The following EFCAB11 variants were observed in gnomAD, a reference collection of about 807,000 sequenced individuals.
EFCAB11 encodes EF-hand calcium binding domain 11.
EFCAB11 carries 14 observed loss-of-function variants against 23.0 expected under a neutral mutation model. The ratio of observed to expected loss-of-function variants is 0.61; its 90% CI spans 0.40 to 0.95. The LOEUF (loss-of-function observed/expected upper bound fraction) is 0.95. Among genes scored for constraint, EFCAB11 ranks in the 40% least tolerant of loss-of-function variants. The pLI, the probability that EFCAB11 is intolerant of heterozygous loss-of-function variation, is 0.00. For missense variants in EFCAB11, 198 were observed against 195.8 expected (o/e 1.01, Z -0.07); for synonymous variants, 65 against 66.6 (o/e 0.98, Z 0.11).
rs529729583 is a variant in EFCAB11, at chr14:89,795,869, C to A, written c.*1374G>T. The A allele has an allele frequency of 6.6e-6, 1 of 152,266 alleles. No homozygotes were observed. The highest frequency in any genetic ancestry group is 1.5e-5 in the Non-Finnish European group (1 of 68,028). The allele number at this position is 152,266 out of a possible 1,614,324, so 9.4% of individuals were successfully genotyped here. A position where few individuals can be genotyped will look rare whatever the true frequency, so the allele number is the denominator to read the frequency against. ...ACACTTATAAATAAGAGTACTGATA[C>A]CAGTATTTTGGAATTACCTTCACTA... On this transcript the variant is annotated 3_prime_UTR_variant, in exon 6 of 6. Transcript: ENST00000316738.
At chr14:89,810,584 C>T (rs1886118833) in intron 5 of EFCAB11, among the ~76,000 whole-genome samples, 1 of 151,880 alleles carries the variant, frequency 6.6e-6, no homozygotes, top group Admixed American at 6.6e-5. Flanking sequence ...GGTAAAACCC[C>T]ATCTCTACTA....
intron 5 of EFCAB11, among the ~76,000 whole-genome samples, chr14:89,925,644 CT>C (rs1173515561): frequency 8.4e-6 from 1 of 119,528 alleles, no homozygotes; most frequent in Non-Finnish European, 1.6e-5. Context: ...AGTTATGTTT[CT>C]TTCTTTTTTT....
intron 5 of EFCAB11, chr14:89,833,089 G>A (rs930023431): frequency 3.9e-5 from 6 of 152,046 alleles, no homozygotes; most frequent in Non-Finnish European, 7.4e-5. Context: ...TGCAAACAAC[G>A]TGAAATACAC....
intron 5 of EFCAB11, among the ~76,000 whole-genome samples, chr14:89,801,181 A>G (rs1289625543): frequency 3.9e-5 from 6 of 152,202 alleles, no homozygotes; most frequent in Non-Finnish European, 8.8e-5. Flanking sequence ...ACAGTCATGA[A>G]ATTCCCCAAT....
chr14:89,826,536 C>T (rs920844907), intron 5 of EFCAB11, among the ~76,000 whole-genome samples: 2 of 151,400 alleles, frequency 1.3e-5, no homozygotes, highest in Admixed American at 1.3e-4. Context: ...TCTTGGTCAC[C>T]CTCTAAGAAA....
At chr14:89,804,221 A>C (rs1027383142) in intron 5 of EFCAB11, among the ~76,000 whole-genome samples, 3 of 152,264 alleles carry the variant, frequency 2.0e-5, no homozygotes, top group African/African-American at 7.2e-5. Context: ...TTCTTCATGC[A>C]CAGAGCAGGT....
intron 5 of EFCAB11, among the ~76,000 whole-genome samples, chr14:89,895,887 C>T (rs191353869): frequency 3.0e-3 from 463 of 152,170 alleles, no homozygotes; most frequent in Non-Finnish European, 5.8e-3. Context: ...GTTAACTAGA[C>T]CGAATATTTG....
intron 3 of EFCAB11, among the ~76,000 whole-genome samples, chr14:89,946,112 G>A (rs1272814929): frequency 6.6e-6 from 1 of 151,848 alleles, no homozygotes; most frequent in Non-Finnish European, 1.5e-5. Context: ...CGTAAAGACG[G>A]GGTTTCATCA....
chr14:89,916,217 A>AC (rs201118162), intron 5 of EFCAB11, among the ~76,000 whole-genome samples: 18,774 of 152,086 alleles, frequency 0.12, 3,207 homozygotes, highest in African/African-American at 0.39. Context: ...TGTCTATGAG[A>AC]AGTACATCTA....
intron 5 of EFCAB11, among the ~76,000 whole-genome samples, chr14:89,874,891 A>G (rs1386521452): frequency 6.8e-6 from 1 of 146,504 alleles, no homozygotes; most frequent in Non-Finnish European, 1.5e-5. Flanking sequence ...AACTGTCTCA[A>G]AAAAAAAAAA....
At chr14:89,836,710 A>G (rs1225885932) in intron 5 of EFCAB11, 1 of 456,010 alleles carries the variant, frequency 2.2e-6, no homozygotes, top group African/African-American at 2.0e-5. Context: ...GTTTACCTTG[A>G]TTTATAATGT....
At chr14:89,800,059 G>A (rs1263766273) in intron 5 of EFCAB11, among the ~76,000 whole-genome samples, 1 of 152,082 alleles carries the variant, frequency 6.6e-6, no homozygotes, top group Admixed American at 6.6e-5. Context: ...GGTGGCAGGT[G>A]CCTGTAATCC....
chr14:89,944,996 GATTTTATTAGATCTA>G (rs1890925888), intron 3 of EFCAB11, among the ~76,000 whole-genome samples: 1 of 107,930 alleles, frequency 9.3e-6, no homozygotes. Flanking sequence ...TAAAATATTA[GATTTTATTAGATCTA>G]ATAATAAATC....
At chr14:89,833,069 C>T (rs151116144) in intron 5 of EFCAB11, 127 of 152,304 alleles carry the variant, frequency 8.3e-4, no homozygotes, top group African/African-American at 2.9e-3. Context: ...TTTAAAGTTC[C>T]TACTTACGTT....
intron 5 of EFCAB11, among the ~76,000 whole-genome samples, chr14:89,869,419 C>T (rs1030375192): frequency 6.6e-6 from 1 of 152,146 alleles, no homozygotes; most frequent in Non-Finnish European, 1.5e-5. Context: ...GGTCACAGAG[C>T]TTGACCCACT....
chr14:89,912,305 T>C (rs938362105), intron 5 of EFCAB11, among the ~76,000 whole-genome samples: 1 of 152,224 alleles, frequency 6.6e-6, no homozygotes, highest in Non-Finnish European at 1.5e-5. Flanking sequence ...GTCTAGCATG[T>C]CTATCCAGCA....
rs1195277399 is a variant in EFCAB11 at position 89,894,438 on chromosome 14, G to A, written c.410+37103C>T. ...AGTTGTCCCCCCCACCTCCGCCCCC[G>A]ACAGGCCCCCAGTATGTGATGTTCC... On this transcript the variant is annotated intron_variant, in intron 5 of 5. Transcript: ENST00000316738. Among the ~76,000 whole-genome samples the A allele has an allele frequency of 9.7e-5, 3 of 30,792 alleles. No homozygotes were observed. In the South Asian group the frequency reaches 3.6e-3, roughly 36 times the overall value. 20.2% of individuals were successfully genotyped at this position (30,792 alleles called of 152,430 possible).
chr14:89,936,295 G>A (rs1222756381), intron 3 of EFCAB11, among the ~76,000 whole-genome samples: 2 of 152,190 alleles, frequency 1.3e-5, no homozygotes, highest in Admixed American at 1.3e-4. Context: ...GGACCTGAGT[G>A]GTGATATCTT....
At chr14:89,872,118 A>ACAGCC (rs932763086) in intron 5 of EFCAB11, among the ~76,000 whole-genome samples, 1 of 152,258 alleles carries the variant, frequency 6.6e-6, no homozygotes, top group Non-Finnish European at 1.5e-5. Context: ...AAAGTCTGTA[A>ACAGCC]CAGCCTAATT....
Sources: allele counts gnomAD v4.1 joint callset (sites outside exome capture counted in the v4.1 genomes callset), GRCh38; gene constraint gnomAD v4.1.1; transcripts MANE v1.5; gene names NCBI Gene and HGNC (gene_info 2026-07-23, HGNC 2026-07-21).